The following STX8 variants were observed in gnomAD, a reference collection of about 807,000 sequenced individuals.
The protein encoded by STX8 is syntaxin-8.
In STX8, 23 loss-of-function variants were observed where a neutral mutation model predicts 37.5. The ratio of observed to expected loss-of-function variants is 0.61; its 90% CI spans 0.44 to 0.87. The LOEUF (loss-of-function observed/expected upper bound fraction) is 0.87. Among genes scored for constraint, STX8 ranks in the 40% least tolerant of loss-of-function variants. STX8 has a pLI of 0.00. For synonymous variants in STX8, 115 were observed against 99.1 expected, an observed-to-expected ratio of 1.16 and a Z score of -0.95; for missense variants, 313 against 284.7, an observed-to-expected ratio of 1.10 and a Z score of -0.71.
In STX8 at chr17:9,278,727, G is replaced by C. The variant is rs142527835; in HGVS notation, c.644-28082C>G. ...GCAGTGGCAGTGATGGTGACAGGTTGAGAGCCCAAAGAAGAGAGGAGAGAG... is the reference window on the plus strand; with the variant it reads ...GCAGTGGCAGTGATGGTGACAGGTTCAGAGCCCAAAGAAGAGAGGAGAGAG... On this transcript the variant is annotated intron_variant, in intron 7 of 7. Transcript: ENST00000306357. Among the ~76,000 whole-genome samples the C allele has an allele frequency of 5.8e-3, 883 of 152,162 alleles. 6 individuals are homozygous for C. Among genetic ancestry groups the C allele is most frequent in the African/African-American group, 0.02 (837 of 41,492 alleles).
chr17:9,526,996 G>C (rs1032737334), intron 4 of STX8, among the ~76,000 whole-genome samples: 27 of 149,850 alleles, frequency 1.8e-4, no homozygotes, highest in Non-Finnish European at 3.7e-4. Context: ...TGGCTAACAA[G>C]GTGAAACCCC....
chr17:9,454,915 C>T (rs1905145739), intron 6 of STX8, among the ~76,000 whole-genome samples: 1 of 151,984 alleles, frequency 6.6e-6, no homozygotes, highest in Non-Finnish European at 1.5e-5. Context: ...GTTTTTACAA[C>T]AGTAGATTAA....
intron 6 of STX8, among the ~76,000 whole-genome samples, chr17:9,395,025 G>C (rs112869089): frequency 0.011 from 1,595 of 150,284 alleles, 29 homozygotes; most frequent in African/African-American, 0.036. Context: ...GCAGTGAGCA[G>C]AGATTGCGCC....
chr17:9,539,110 G>A (rs1456270390), intron 4 of STX8, among the ~76,000 whole-genome samples: 3 of 152,226 alleles, frequency 2.0e-5, no homozygotes, highest in Admixed American at 1.3e-4. Flanking sequence ...CCAGTAATCC[G>A]TAAGGTAAAA....
chr17:9,512,602 A>C (rs1177023113), intron 4 of STX8, among the ~76,000 whole-genome samples: 1 of 152,118 alleles, frequency 6.6e-6, no homozygotes, highest in African/African-American at 2.4e-5. Flanking sequence ...AGTTGGGATT[A>C]CAGGCACACG....
At chr17:9,279,074 T>C (rs1907787082) in intron 7 of STX8, among the ~76,000 whole-genome samples, 1 of 151,908 alleles carries the variant, frequency 6.6e-6, no homozygotes, top group African/African-American at 2.4e-5. Context: ...TTTTGTTTTT[T>C]TTTTTTGAGA....
In STX8 at chr17:9,458,352, T is replaced by C. The variant is rs532280569; in HGVS notation, c.541+33477A>G. On this transcript the variant is annotated intron_variant, in intron 6 of 7. Coordinates refer to ENST00000306357, the MANE Select transcript of STX8 (RefSeq NM_004853.3). ...TTTTAGTAGAGATGGGGTTTCACCG[T>C]GTCAGCCAGGATGGTGTCGATCTCC... 1.3e-3 allele frequency among the ~76,000 whole-genome samples: 205 copies of C among 152,276 alleles called. 2 individuals are homozygous for C. Among genetic ancestry groups the C allele is most frequent in the African/African-American group, 4.8e-3 (201 of 41,576 alleles).
At chr17:9,389,709 A>G (rs1008139007) in intron 6 of STX8, among the ~76,000 whole-genome samples, 1 of 152,168 alleles carries the variant, frequency 6.6e-6, no homozygotes, top group Non-Finnish European at 1.5e-5. Context: ...GCAGTAGTAA[A>G]GTCATTATGT....
At chr17:9,548,259 C>CA (rs1271772196) in intron 3 of STX8, among the ~76,000 whole-genome samples, 1 of 152,086 alleles carries the variant, frequency 6.6e-6, no homozygotes, top group Non-Finnish European at 1.5e-5. Context: ...CACATGCCAC[C>CA]ATGCCCAGCT....
At chr17:9,265,251 A>AATATG (rs1465766505) in intron 7 of STX8, among the ~76,000 whole-genome samples, 2 of 152,370 alleles carry the variant, frequency 1.3e-5, no homozygotes, top group East Asian at 3.9e-4. Context: ...AGTCAAAGTG[A>AATATG]ATATGAGATG....
intron 6 of STX8, among the ~76,000 whole-genome samples, chr17:9,482,171 A>C (rs1906377181): frequency 6.6e-6 from 1 of 152,156 alleles, no homozygotes; most frequent in Admixed American, 6.5e-5. Context: ...CAACACAGCA[A>C]GACCCTGTCC....
At chr17:9,355,558 A>G (rs1035314333) in intron 7 of STX8, among the ~76,000 whole-genome samples, 2 of 147,196 alleles carry the variant, frequency 1.4e-5, no homozygotes, top group African/African-American at 5.1e-5. Flanking sequence ...GCTGGAGTGC[A>G]ATGGCGCAAT....
chr17:9,456,400 C>T (rs776342782), intron 6 of STX8, among the ~76,000 whole-genome samples: 1 of 152,174 alleles, frequency 6.6e-6, no homozygotes, highest in Non-Finnish European at 1.5e-5. Context: ...TCTTTGGCCT[C>T]TCTGATCTGA....
chr17:9,327,500 A>G (rs1297413548), intron 7 of STX8, among the ~76,000 whole-genome samples: 1 of 152,128 alleles, frequency 6.6e-6, no homozygotes, highest in Non-Finnish European at 1.5e-5. Context: ...ATGTGACTGG[A>G]CAACAAGGGG....
intron 6 of STX8, among the ~76,000 whole-genome samples, chr17:9,421,470 G>A (rs1376415379): frequency 3.0e-5 from 4 of 134,446 alleles, no homozygotes; most frequent in Non-Finnish European, 6.2e-5. Context: ...TTCTCTTGCT[G>A]TAAATAAGGT....
At chr17:9,352,595 G>C (rs1910745139) in intron 7 of STX8, among the ~76,000 whole-genome samples, 1 of 151,238 alleles carries the variant, frequency 6.6e-6, no homozygotes, top group Non-Finnish European at 1.5e-5. Context: ...AGCCTCCCGG[G>C]TTCACGCCAT....
At chr17:9,488,811 AGAGAGAGAGAGT>A (rs1906717521) in intron 6 of STX8, among the ~76,000 whole-genome samples, 2 of 98,110 alleles carry the variant, frequency 2.0e-5, no homozygotes, top group African/African-American at 7.7e-5. Flanking sequence ...AGAGAGAGAG[AGAGAGAGAGAGT>A]GTGTGTGTGT....
At chr17:9,301,351 T>C (rs549694210) in intron 7 of STX8, among the ~76,000 whole-genome samples, 1 of 152,206 alleles carries the variant, frequency 6.6e-6, no homozygotes, top group Non-Finnish European at 1.5e-5. Context: ...ATTACAAGGC[T>C]TTACTCCATT....
chr17:9,324,435 G>T (rs1044491100), intron 7 of STX8, among the ~76,000 whole-genome samples: 1 of 151,998 alleles, frequency 6.6e-6, no homozygotes, highest in Admixed American at 6.6e-5. Flanking sequence ...CTCCTGGTGC[G>T]CAGTGTGATG....
Sources: allele counts gnomAD v4.1 joint callset (sites outside exome capture counted in the v4.1 genomes callset), GRCh38; gene constraint gnomAD v4.1.1; transcripts MANE v1.5; gene names NCBI Gene and HGNC (gene_info 2026-07-23, HGNC 2026-07-21).